ARHGEF6: variants seen among roughly 807,000 people sequenced by gnomAD.
ARHGEF6 encodes rho guanine nucleotide exchange factor 6.
In ARHGEF6, 9 loss-of-function variants were observed where a neutral mutation model predicts 70.3. The observed-to-expected ratio is 0.13, with a 90% confidence interval of 0.08 to 0.22. The LOEUF is 0.22. Ranked by LOEUF, ARHGEF6 falls within the 10% of genes least tolerant of loss-of-function variation. The pLI, the probability that ARHGEF6 is intolerant of heterozygous loss-of-function variation, is 1.00. For missense variants in ARHGEF6, 470 were observed against 563.0 expected, an observed-to-expected ratio of 0.83 and a Z score of 1.67; for synonymous variants, 201 against 207.8, an observed-to-expected ratio of 0.97 and a Z score of 0.28.
chrX:136,677,179 T>A (rs1477753048), intron 17 of ARHGEF6, among the ~76,000 whole-genome samples: 1 of 112,446 alleles, frequency 8.9e-6, no homozygotes, highest in Non-Finnish European at 1.9e-5. Context: ...AATTCTGCCT[T>A]AGAAACAGTC....
At chrX:136,668,317 C>T (rs1282097384) in intron 21 of ARHGEF6, 148 bp from the exon 22 acceptor site, 3 of 676,255 alleles carry the variant, frequency 4.4e-6, no homozygotes, top group Non-Finnish European at 6.7e-6. Flanking sequence ...AGCAGCCTGT[C>T]GATTCTCCTG....
intron 6 of ARHGEF6, among the ~76,000 whole-genome samples, chrX:136,720,555 A>G (rs1433246304): frequency 5.4e-5 from 6 of 111,844 alleles, no homozygotes; most frequent in Non-Finnish European, 1.1e-4. Context: ...ATCTAACATC[A>G]TACTTAATGG....
At chrX:136,742,032 C>T (rs1405162167) in intron 5 of ARHGEF6, among the ~76,000 whole-genome samples, 1 of 111,994 alleles carries the variant, frequency 8.9e-6, no homozygotes, top group African/African-American at 3.2e-5. Flanking sequence ...GTTCAAGAGT[C>T]AACTGTAGCC....
chrX:136,706,614 C>T (rs2076629391), intron 9 of ARHGEF6, among the ~76,000 whole-genome samples: 1 of 112,023 alleles, frequency 8.9e-6, no homozygotes, highest in South Asian at 3.7e-4. Flanking sequence ...ACGTTTACAA[C>T]ATTTAATTTA....
At chrX:136,702,941 A>C (rs773811180) in intron 9 of ARHGEF6, among the ~76,000 whole-genome samples, 1 of 111,883 alleles carries the variant, frequency 8.9e-6, no homozygotes, top group East Asian at 2.8e-4. Flanking sequence ...ACTCACATGG[A>C]GCATTCACCA....
intron 2 of ARHGEF6, among the ~76,000 whole-genome samples, chrX:136,753,651 T>C (rs746095544): frequency 1.5e-3 from 170 of 111,438 alleles, no homozygotes; most frequent in African/African-American, 5.3e-3. Context: ...ACTAAGAAGA[T>C]TAAATACTCC....
chrX:136,697,014 T>C (rs1603338963), intron 9 of ARHGEF6, among the ~76,000 whole-genome samples: 1 of 110,035 alleles, frequency 9.1e-6, no homozygotes, highest in South Asian at 3.9e-4. Flanking sequence ...GGCTGGAGAG[T>C]AGGCCCAATC....
At chrX:136,736,594 A>T (rs1192971885) in intron 5 of ARHGEF6, among the ~76,000 whole-genome samples, 1 of 103,679 alleles carries the variant, frequency 9.6e-6, no homozygotes, top group Non-Finnish European at 1.9e-5. Context: ...TTCTACTTTC[A>T]GCCACAAGCT....
chrX:136,704,648 CG>C (rs2076608450), intron 9 of ARHGEF6, among the ~76,000 whole-genome samples: 1 of 111,662 alleles, frequency 9.0e-6, no homozygotes, highest in Non-Finnish European at 1.9e-5. Flanking sequence ...GCAAGAGCGA[CG>C]GGGGAAGAGC....
chrX:136,743,694 C>T lies in ARHGEF6; in HGVS notation c.552G>A (p.Gly184=). ...CAACTCGTGTGACGTAAATGATGTC[C>T]CCCTTACAAACTGACAGTTCATCCT... ...TNEDELSVCK[G]DIIYVTRVEE... is the part of the protein sequence containing the mutation. Residue 184 remains glycine (G), a synonymous_variant, in exon 5 of 22, where the codon GGG becomes GGA. Transcript: ENST00000250617. 2 of 1,211,431 alleles carry T rather than the reference C, an allele frequency of 1.7e-6. No homozygotes were observed. Among genetic ancestry groups the T allele is most frequent in the Non-Finnish European group, 2.2e-6 (2 of 895,139 alleles).
At chrX:136,671,997 A>C (rs2076229564) in intron 20 of ARHGEF6, 23 bp downstream of exon 20, 1 of 1,168,160 alleles carries the variant, frequency 8.6e-7, no homozygotes. Context: ...GAAACTAGGC[A>C]AGGTTTTGCC....
chrX:136,756,284 A>C (rs2077206082), intron 2 of ARHGEF6, among the ~76,000 whole-genome samples: 1 of 111,287 alleles, frequency 9.0e-6, no homozygotes, highest in Non-Finnish European at 1.9e-5. Flanking sequence ...GGTGCTTCAG[A>C]CTCTACGGTT....
chrX:136,728,230 T>G (rs1420746356), intron 6 of ARHGEF6, among the ~76,000 whole-genome samples: 1 of 111,463 alleles, frequency 9.0e-6, no homozygotes, highest in Non-Finnish European at 1.9e-5. Context: ...AAAAGCTTTC[T>G]CTGGACTGCC....
chrX:136,685,932 A>C, intron 11 of ARHGEF6, 109 bp from the exon 12 acceptor site: 3 of 820,880 alleles, frequency 3.7e-6, no homozygotes, highest in South Asian at 2.2e-5. Flanking sequence ...CTGAGTCCCT[A>C]TTCCTCATCA....
At chrX:136,686,632 A>ATATACACATGTG (rs2076397376) in intron 11 of ARHGEF6, among the ~76,000 whole-genome samples, 6 of 77,172 alleles carry the variant, frequency 7.8e-5, no homozygotes, top group African/African-American at 4.3e-4. Flanking sequence ...ACACATATAT[A>ATATACACATGTG]TATATATATA....
chrX:136,679,602 G>A lies in ARHGEF6; in HGVS notation c.1763C>T (p.Pro588Leu), dbSNP rs770679754. ...GPLEPPQIIK[P>L]WSLSCLRPAP... ...AGGTCGTAGACAACTTAAACTCCAC[G>A]GTTTTATAATTTGAGGAGGCTCCAA... The change falls in exon 16 of 22, where the codon CCG (proline) becomes CTG (leucine). Residue 588 changes from proline (P) to leucine (L), a missense_variant. Coordinates refer to ENST00000250617, the MANE Select transcript of ARHGEF6 (RefSeq NM_004840.3). 53 of 1,209,197 alleles carry A rather than the reference G, an allele frequency of 4.4e-5. No homozygotes were observed. The highest frequency in any genetic ancestry group is 5.3e-5 in the Non-Finnish European group (47 of 894,430).
At chrX:136,705,032 T>C (rs2076612430) in intron 9 of ARHGEF6, among the ~76,000 whole-genome samples, 1 of 111,863 alleles carries the variant, frequency 8.9e-6, no homozygotes, top group Admixed American at 9.5e-5. Context: ...GTTGTTGTTT[T>C]GTTTTTGTTT....
intron 7 of ARHGEF6, among the ~76,000 whole-genome samples, chrX:136,710,433 C>A (rs1279302918): frequency 9.5e-6 from 1 of 105,356 alleles, no homozygotes; most frequent in Non-Finnish European, 1.9e-5. Flanking sequence ...ACAAACATTA[C>A]CAGTAACTCT....
intron 9 of ARHGEF6, 71 bp downstream of exon 9, chrX:136,706,837 T>C (rs1281751543): frequency 1.5e-5 from 18 of 1,175,979 alleles, no homozygotes; most frequent in Non-Finnish European, 2.1e-5. Flanking sequence ...ACTGAAGACC[T>C]TGGATTTCCA....
Sources: gnomAD v4.1 joint callset for allele counts (sites outside exome capture counted in the v4.1 genomes callset) on GRCh38, gnomAD v4.1.1 for gene constraint, MANE v1.5 for transcripts, NCBI Gene and HGNC (gene_info 2026-07-23, HGNC 2026-07-21) for gene names.